ITGA4: variants seen among roughly 807,000 people sequenced by gnomAD.
ITGA4 encodes integrin alpha-4.
In ITGA4, 63 loss-of-function variants were observed where a neutral mutation model predicts 133.6. The observed-to-expected ratio is 0.47, with a 90% CI of 0.38 to 0.58. The LOEUF (loss-of-function observed/expected upper bound fraction) is 0.58, where lower values mean the gene tolerates loss of function less well. Ranked by LOEUF, ITGA4 falls within the 20% of genes least tolerant of loss-of-function variation. The pLI, the probability that ITGA4 is intolerant of heterozygous loss-of-function variation, is 0.00. For missense variants in ITGA4, 1,076 were observed against 1,252.7 expected (o/e 0.86, Z 2.13); for synonymous variants, 483 against 438.0 (o/e 1.10, Z -1.28).
intron 6 of ITGA4, 124 bp downstream of exon 6, chr2:181,480,390 G>A (rs1685776130): frequency 6.2e-6 from 3 of 483,608 alleles, no homozygotes; most frequent in South Asian, 1.3e-4. Context: ...TAATAATTAG[G>A]CAGTTCAGAA....
intron 24 of ITGA4, 45 bp downstream of exon 24, chr2:181,530,694 G>C: frequency 6.4e-7 from 1 of 1,571,794 alleles, no homozygotes; most frequent in Non-Finnish European, 8.7e-7. Context: ...TTCCAACAGA[G>C]AAGTGAGACA....
chr2:181,466,769 G>C (rs1461779293), intron 2 of ITGA4, among the ~76,000 whole-genome samples: 1 of 151,990 alleles, frequency 6.6e-6, no homozygotes, highest in Non-Finnish European at 1.5e-5. Flanking sequence ...CTAAATTAAG[G>C]GGCCATTTTA....
At chr2:181,485,846 T>C (rs753898155) in intron 9 of ITGA4, 35 bp from the exon 10 acceptor site, 2 of 1,534,934 alleles carry the variant, frequency 1.3e-6, no homozygotes, top group Non-Finnish European at 1.8e-6. Context: ...TCAGGGAGTG[T>C]TATAATGACA....
At chr2:181,485,624 T>G (rs1220111499) in intron 9 of ITGA4, among the ~76,000 whole-genome samples, 1 of 152,196 alleles carries the variant, frequency 6.6e-6, no homozygotes, top group Non-Finnish European at 1.5e-5. Flanking sequence ...TCAAAATGAT[T>G]TATTGGATTT....
rs895527676 is a variant in ITGA4 at position 181,523,152 on chromosome 2, A to G, written c.2074-285A>G. Among the ~76,000 whole-genome samples the G allele has an allele frequency of 6.6e-6, 1 of 152,040 alleles. No homozygotes were observed. Among genetic ancestry groups the G allele is most frequent in the African/African-American group, 2.4e-5 (1 of 41,390 alleles). On this transcript the variant is annotated intron_variant, in intron 18 of 27. Transcript: ENST00000397033. The surrounding 1 kb of genome is among the most constrained non-coding windows in gnomAD (Gnocchi z 4.2). ...GGAGAATCTGTTTGAATACTAGAGT[A>G]CACACATATATGTATATACACACAC...
At position 181,495,219 on chromosome 2, in the gene ITGA4, A is replaced by G; in HGVS notation, c.1340-152A>G. On this transcript the variant is annotated intron_variant, in intron 12 of 27. Coordinates refer to ENST00000397033, the MANE Select transcript of ITGA4 (RefSeq NM_000885.6). The surrounding 1 kb of genome is among the most constrained non-coding windows in gnomAD (Gnocchi z 4.3). ...ATGAATAGATTCAGAGAAAAGTGGAAAGAATCGTAAGATGTTAGCATATAT... is the reference window on the plus strand; with the variant it reads ...ATGAATAGATTCAGAGAAAAGTGGAGAGAATCGTAAGATGTTAGCATATAT... 3.3e-6 allele frequency: 2 copies of G among 604,184 alleles called. No homozygotes were observed. The highest frequency in any genetic ancestry group is 5.9e-6 in the Non-Finnish European group (2 of 340,392). 37.4% of individuals were successfully genotyped at this position (604,184 alleles called of 1,614,324 possible). A position where few individuals can be genotyped will look rare whatever the true frequency, so the allele number is the denominator to read the frequency against.
At chr2:181,469,301 G>A (rs1685491412) in intron 2 of ITGA4, among the ~76,000 whole-genome samples, 2 of 152,058 alleles carry the variant, frequency 1.3e-5, no homozygotes, top group Admixed American at 1.3e-4. Context: ...ACAAGAAAAG[G>A]CATAACCATC....
intron 17 of ITGA4, 82 bp downstream of exon 17, chr2:181,511,857 G>GTC: frequency 1.4e-6 from 1 of 705,858 alleles, no homozygotes; most frequent in Non-Finnish European, 2.5e-6. Context: ...AAAAGAAAAG[G>GTC]AACAAGAGCT....
chr2:181,462,104 A>G (rs935823532), intron 2 of ITGA4, among the ~76,000 whole-genome samples: 6 of 152,238 alleles, frequency 3.9e-5, no homozygotes, highest in African/African-American at 1.2e-4. Flanking sequence ...TCTATTGGAC[A>G]GCACTGCTGT....
In ITGA4 at chr2:181,535,593, CTG is replaced by C. The variant is rs1458481262; in HGVS notation, c.*68_*69del. ...TTGTAGTAAAGAAATTTAAAAGACA[CTG>C]TTTACAAGAAAAAATGAATTTTGTT... On this transcript the variant is annotated 3_prime_UTR_variant, in exon 28 of 28. Transcript: ENST00000397033. The C allele has an allele frequency of 1.3e-5, 20 of 1,518,192 alleles. No homozygotes were observed. Among genetic ancestry groups the C allele is most frequent in the Non-Finnish European group, 1.5e-5 (17 of 1,134,952 alleles). 94.0% of individuals were successfully genotyped at this position (1,518,192 alleles called of 1,614,324 possible).
In ITGA4 at chr2:181,538,821, A is replaced by G. The variant is rs1218574185; in HGVS notation, c.*3294A>G. 1.3e-5 allele frequency among the ~76,000 whole-genome samples: 2 copies of G among 152,194 alleles called. No individual in the cohort carries two copies. Among genetic ancestry groups the G allele is most frequent in the Non-Finnish European group, 2.9e-5 (2 of 68,024 alleles). ...ATCCAAAATGGAAGTTGTAGACATT[A>G]TCTGTAGTTTATGCACAACAATAAA... is the stretch of plus-strand genomic sequence containing the variant. On this transcript the variant is annotated 3_prime_UTR_variant, in exon 28 of 28. Coordinates refer to ENST00000397033, the MANE Select transcript of ITGA4 (RefSeq NM_000885.6).
At chr2:181,474,218 T>A (rs1013227362) in intron 2 of ITGA4, among the ~76,000 whole-genome samples, 1 of 152,218 alleles carries the variant, frequency 6.6e-6, no homozygotes, top group Non-Finnish European at 1.5e-5. Flanking sequence ...AAGAAAATAA[T>A]GATCACTGTG....
At chr2:181,465,529 T>A (rs1685390805) in intron 2 of ITGA4, among the ~76,000 whole-genome samples, 1 of 152,124 alleles carries the variant, frequency 6.6e-6, no homozygotes, top group East Asian at 1.9e-4. Context: ...TACATTTTTG[T>A]ATTTTCTTGT....
intron 4 of ITGA4, 116 bp downstream of exon 4, chr2:181,475,404 T>A: frequency 1.2e-6 from 1 of 812,558 alleles, no homozygotes; most frequent in Non-Finnish European, 1.9e-6. Flanking sequence ...TCTAAGTAAT[T>A]ATGTTCTTTT....
At chr2:181,458,363 A>G (rs202124910) in intron 2 of ITGA4, 46 bp downstream of exon 2, 21 of 1,591,920 alleles carry the variant, frequency 1.3e-5, no homozygotes, top group South Asian at 1.1e-5. Flanking sequence ...CCGACCCCCC[A>G]TGTGGACCCC....
intron 15 of ITGA4, among the ~76,000 whole-genome samples, chr2:181,508,992 A>C (rs933360571): frequency 6.6e-6 from 1 of 151,812 alleles, no homozygotes; most frequent in African/African-American, 2.4e-5. Context: ...ATATGAAAAA[A>C]TGGGCTGGGC....
At chr2:181,463,775 G>A (rs1354903650) in intron 2 of ITGA4, among the ~76,000 whole-genome samples, 1 of 152,116 alleles carries the variant, frequency 6.6e-6, no homozygotes, top group Non-Finnish European at 1.5e-5. Context: ...GTCTGTACTA[G>A]CAAATCAGAG....
intron 15 of ITGA4, among the ~76,000 whole-genome samples, chr2:181,505,166 A>G (rs1025744568): frequency 5.9e-5 from 9 of 152,144 alleles, no homozygotes; most frequent in African/African-American, 2.2e-4. Flanking sequence ...CACACTGTCT[A>G]TGTGGATTTG....
At chr2:181,526,775 A>G (rs985447767) in intron 21 of ITGA4, among the ~76,000 whole-genome samples, 14 of 145,338 alleles carry the variant, frequency 9.6e-5, no homozygotes, top group African/African-American at 3.3e-4. Context: ...CAAGAAAAGA[A>G]TATCGGTGAG....
Sources: allele counts gnomAD v4.1 joint callset (sites outside exome capture counted in the v4.1 genomes callset), GRCh38; gene constraint gnomAD v4.1.1; non-coding constraint Gnocchi (gnomAD v3.1); transcripts MANE v1.5; gene names NCBI Gene and HGNC (gene_info 2026-07-23, HGNC 2026-07-21).